Variants in CFAP58 observed in about 807,000 individuals in gnomAD.
CFAP58 encodes the protein cilia and flagella associated protein 58.
In CFAP58, 88 loss-of-function variants were observed where a neutral mutation model predicts 119.5. The ratio of observed to expected loss-of-function variants is 0.74; its 90% CI spans 0.62 to 0.88. The LOEUF is 0.88. Among genes scored for constraint, CFAP58 ranks in the 40% least tolerant of loss-of-function variants. CFAP58 has a pLI of 0.00. For synonymous variants in CFAP58, 365 were observed against 366.3 expected, an observed-to-expected ratio of 1.00 and a Z score of 0.04; for missense variants, 990 against 1,021.2, an observed-to-expected ratio of 0.97 and a Z score of 0.42.
rs1564875590 is a variant in CFAP58, at chr10:104,357,854, TATAC to T, written c.10-485_10-482del. Among the ~76,000 whole-genome samples, 10 of 43,698 alleles carry T rather than the reference TATAC, an allele frequency of 2.3e-4. 1 individual carries two copies. The highest frequency in any genetic ancestry group is 8.2e-4 in the African/African-American group (9 of 10,936). The allele number at this position is 43,698 out of a possible 152,430, so 28.7% of individuals were successfully genotyped here. On this transcript the variant is annotated intron_variant, in intron 1 of 17. Transcript: ENST00000369704. The stretch of plus-strand genomic sequence containing the variant: ...ATATATGTACACATATGTACACATA[TATAC>T]ACATATATACACATATATGTACACA...
intron 15 of CFAP58, among the ~76,000 whole-genome samples, chr10:104,433,895 G>A (rs1482702165): frequency 2.6e-5 from 4 of 152,176 alleles, no homozygotes; most frequent in African/African-American, 9.7e-5. Context: ...CATTGTCAAT[G>A]TACAGTTACA....
At chr10:104,366,189 C>T (rs1332370331) in intron 5 of CFAP58, among the ~76,000 whole-genome samples, 181 bp downstream of exon 5, 2 of 151,924 alleles carry the variant, frequency 1.3e-5, no homozygotes, top group African/African-American at 4.8e-5. Context: ...GGTAGTTATG[C>T]CCCCCCTTTT....
chr10:104,430,060 A>G (rs1589933385), intron 15 of CFAP58, among the ~76,000 whole-genome samples: 1 of 152,182 alleles, frequency 6.6e-6, no homozygotes, highest in Non-Finnish European at 1.5e-5. Context: ...GAGCTATTCT[A>G]GAGCTTTTGA....
At chr10:104,340,435 A>G in the CFAP58 span, among the ~76,000 whole-genome samples, 1 of 152,168 alleles carries the variant, frequency 6.6e-6, no homozygotes, top group Non-Finnish European at 1.5e-5. Context: ...GACTAATTGT[A>G]TGCTCAGTCT....
intron 16 of CFAP58, among the ~76,000 whole-genome samples, chr10:104,449,167 T>C (rs904231669): frequency 6.6e-6 from 1 of 152,058 alleles, no homozygotes; most frequent in Non-Finnish European, 1.5e-5. Context: ...ACAGGTTTTT[T>C]TTTTTTTTTT....
At chr10:104,414,135 C>T (rs1171573563) in intron 15 of CFAP58, among the ~76,000 whole-genome samples, 1 of 152,138 alleles carries the variant, frequency 6.6e-6, no homozygotes, top group Admixed American at 6.5e-5. Flanking sequence ...CCCTAGGAAG[C>T]AGCTAATCCC....
At chr10:104,443,049 A>T (rs2013063666) in intron 15 of CFAP58, among the ~76,000 whole-genome samples, 1 of 152,250 alleles carries the variant, frequency 6.6e-6, no homozygotes, top group South Asian at 2.1e-4. Flanking sequence ...CTTCCTCAAT[A>T]GAATGAGGAG....
At chr10:104,381,958 G>C (rs558070087) in intron 9 of CFAP58, among the ~76,000 whole-genome samples, 1 of 152,266 alleles carries the variant, frequency 6.6e-6, no homozygotes, top group South Asian at 2.1e-4. Context: ...TTTAGGCCCT[G>C]GTATTATCGA....
chr10:104,392,178 C>T lies in CFAP58; in HGVS notation c.1366-55C>T, dbSNP rs552993304. The T allele has an allele frequency of 1.1e-5, 17 of 1,496,046 alleles. 1 individual carries two copies. The South Asian group carries it at 2.1e-4, about 18-fold the overall frequency. 92.7% of individuals were successfully genotyped at this position (1,496,046 alleles called of 1,614,324 possible). A position where few individuals can be genotyped will look rare whatever the true frequency, so the allele number is the denominator to read the frequency against. ...GATAAAAAACTCCATTTGTCCTGAA[C>T]CAATAAGCACAGATGGGCTATTTAA... On this transcript the variant is annotated intron_variant, in intron 9 of 17. Transcript: ENST00000369704.
chr10:104,365,724 C>A, intron 4 of CFAP58, 90 bp from the exon 5 acceptor site: 1 of 1,168,278 alleles, frequency 8.6e-7, no homozygotes, highest in Non-Finnish European at 1.2e-6. Flanking sequence ...TTGACAATCA[C>A]AGACCTGAGA....
chr10:104,442,731 T>G (rs1288017906), intron 15 of CFAP58, among the ~76,000 whole-genome samples: 1 of 152,228 alleles, frequency 6.6e-6, no homozygotes, highest in African/African-American at 2.4e-5. Flanking sequence ...TTGAAACTAC[T>G]TGAACTATCA....
At position 104,442,463 on chromosome 10, in the gene CFAP58, C is replaced by T. The variant is rs150747014; in HGVS notation, c.2257-5235C>T. Among the ~76,000 whole-genome samples, 963 of 151,956 alleles carry T rather than the reference C, an allele frequency of 6.3e-3. 9 individuals are homozygous for T. The highest frequency in any genetic ancestry group is 0.022 in the African/African-American group (924 of 41,430). On this transcript the variant is annotated intron_variant, in intron 15 of 17. Coordinates refer to ENST00000369704, the MANE Select transcript of CFAP58 (RefSeq NM_001008723.2). ...ATTAGCTGGGCGTGGTGGCATGCCT[C>T]TGTAATCCCAGCTACTCAGGAGGCT...
chr10:104,375,790 G>A (rs978031586), intron 7 of CFAP58, among the ~76,000 whole-genome samples: 2 of 148,384 alleles, frequency 1.3e-5, no homozygotes, highest in African/African-American at 2.5e-5. Flanking sequence ...GGATGGGGTC[G>A]GGGGGGGCTT....
chr10:104,364,828 C>T lies in CFAP58; in HGVS notation c.536C>T (p.Thr179Ile). ...VVKLRESLAQ[T>I]TEQQQETERS... is the part of the protein sequence containing the mutation. ...AAATTACGAGAATCCCTAGCTCAGA[C>T]CACTGAACAGCAGCAGGAAACAGAG... The change falls in exon 4 of 18, where the codon ACC becomes ATC. Residue 179 changes from threonine to isoleucine, a missense_variant. By Grantham distance (89) the Thr-to-Ile change is moderately conservative (BLOSUM62 -1). Coordinates refer to ENST00000369704, the MANE Select transcript of CFAP58 (RefSeq NM_001008723.2). 6.2e-7 allele frequency: 1 copy of T among 1,612,456 alleles called. No individual in the cohort carries two copies. The highest frequency in any genetic ancestry group is 8.5e-7 in the Non-Finnish European group (1 of 1,179,330).
At position 104,358,579 on chromosome 10, in the gene CFAP58, A is replaced by G. The variant is rs1471147524; in HGVS notation, c.248A>G (p.Lys83Arg). 6.2e-7 allele frequency: 1 copy of G among 1,614,126 alleles called. No homozygotes were observed. ...VNSAKVATAL[K>R]LSQDDQTTIA... ...TCTGCGAAGGTCGCCACTGCCCTTA[A>G]GCTCTCTCAGGATGATCAGACCACC... The change falls in exon 2 of 18, where the codon AAG becomes AGG. Residue 83 changes from lysine to arginine, a missense_variant. Coordinates refer to ENST00000369704, the MANE Select transcript of CFAP58 (RefSeq NM_001008723.2).
chr10:104,426,581 CA>C (rs1337259507), intron 15 of CFAP58, among the ~76,000 whole-genome samples: 1 of 152,144 alleles, frequency 6.6e-6, no homozygotes, highest in African/African-American at 2.4e-5. Context: ...ATCCATGTTA[CA>C]AAAGGCTGCA....
Position 104,392,259 on chromosome 10 carries a change from A to C in CFAP58, c.1392A>C (p.Lys464Asn). 1 of 1,612,064 alleles carries C rather than the reference A, an allele frequency of 6.2e-7. No individual in the cohort carries two copies. The highest frequency in any genetic ancestry group is 1.1e-5 in the South Asian group (1 of 90,534). Residue 464 changes from lysine (K) to asparagine (N), a missense_variant, in exon 10 of 18, where the codon AAA becomes AAC. Coordinates refer to ENST00000369704, the MANE Select transcript of CFAP58 (RefSeq NM_001008723.2). ...TCCTTATGAACATGGAAGACATAAA[A>C]GTTCGTGAAACACAGATTTTTGACT... ...QKVLMNMEDI[K>N]VRETQIFDYR...
At chr10:104,411,559 G>A (rs750183181) in intron 15 of CFAP58, among the ~76,000 whole-genome samples, 1 of 151,958 alleles carries the variant, frequency 6.6e-6, no homozygotes, top group East Asian at 1.9e-4. Flanking sequence ...CTTTATTTGG[G>A]GACTTGGGAA....
intron 16 of CFAP58, 63 bp downstream of exon 16, chr10:104,447,880 G>C: frequency 6.6e-7 from 1 of 1,509,570 alleles, no homozygotes; most frequent in Non-Finnish European, 8.9e-7. Context: ...AGCACACCTG[G>C]ACAAGTCCAC....
Sources: gnomAD v4.1 joint callset for allele counts (sites outside exome capture counted in the v4.1 genomes callset) on GRCh38, gnomAD v4.1.1 for gene constraint, MANE v1.5 for transcripts, NCBI Gene and HGNC (gene_info 2026-07-23, HGNC 2026-07-21) for gene names.